Variants in FRMD3 observed in about 807,000 individuals in gnomAD.
The protein encoded by FRMD3 is FERM domain containing 3.
FRMD3 carries 33 observed loss-of-function variants against 70.2 expected under a neutral mutation model. The observed-to-expected ratio is 0.47, with a 90% confidence interval of 0.36 to 0.63. The LOEUF (loss-of-function observed/expected upper bound fraction) is 0.63, where lower values mean the gene tolerates loss of function less well. FRMD3 is among the 20% of genes least tolerant of loss of function. FRMD3 has a pLI of 0.00. For missense variants in FRMD3, 632 were observed against 711.4 expected (o/e 0.89, Z 1.27); for synonymous variants, 279 against 255.9 (o/e 1.09, Z -0.86).
At chr9:83,309,203 G>A (rs530901964) in intron 10 of FRMD3, among the ~76,000 whole-genome samples, 12 of 151,892 alleles carry the variant, frequency 7.9e-5, no homozygotes, top group African/African-American at 2.7e-4. Flanking sequence ...GGTGGGGGGA[G>A]GAGGGCAACC....
chr9:83,579,847 C>T, the FRMD3 span, among the ~76,000 whole-genome samples: 1 of 151,998 alleles, frequency 6.6e-6, no homozygotes, highest in Admixed American at 6.5e-5. Context: ...GGTGAAGAGA[C>T]ATCTTTGCAA....
intron 6 of FRMD3, among the ~76,000 whole-genome samples, chr9:83,327,701 C>T (rs1236457015): frequency 2.0e-5 from 3 of 152,198 alleles, no homozygotes; most frequent in Non-Finnish European, 2.9e-5. Context: ...CGTTTCCACT[C>T]TCCTAAGAAA....
rs1024509826 is a variant in FRMD3 at position 83,310,503 on chromosome 9, C to A, written c.819G>T (p.Val273=). ...KLKFEGKTFY[V]IGTQKEKKAM... ...ATCTGACCTCCTTCTGGGTGCCAAT[C>A]ACATAAAATGTCTTCCCTTCAAACT... Residue 273 remains valine (V), a synonymous_variant, in exon 9 of 14, where the codon GTG becomes GTT. Transcript: ENST00000304195. 5 of 1,607,340 alleles carry A rather than the reference C, an allele frequency of 3.1e-6. No homozygotes were observed. Among genetic ancestry groups the A allele is most frequent in the East Asian group, 2.2e-5 (1 of 44,516 alleles).
the FRMD3 span, among the ~76,000 whole-genome samples, chr9:83,570,900 T>C: frequency 6.6e-6 from 1 of 152,154 alleles, no homozygotes; most frequent in Non-Finnish European, 1.5e-5. Context: ...GTTCGGAGTA[T>C]ATTTTGAAAG....
intron 5 of FRMD3, among the ~76,000 whole-genome samples, chr9:83,336,342 T>A (rs1373227895): frequency 3.9e-5 from 6 of 151,954 alleles, no homozygotes; most frequent in African/African-American, 1.5e-4. Context: ...TTACATTTTT[T>A]AAAAATTTAA....
At chr9:83,344,147 C>T (rs999125277) in intron 4 of FRMD3, among the ~76,000 whole-genome samples, 3 of 152,252 alleles carry the variant, frequency 2.0e-5, no homozygotes, top group Non-Finnish European at 4.4e-5. Context: ...AAGCTCTCTT[C>T]CAATTTCCTC....
At chr9:83,284,878 C>T (rs1298430870) in intron 13 of FRMD3, among the ~76,000 whole-genome samples, 1 of 152,164 alleles carries the variant, frequency 6.6e-6, no homozygotes, top group African/African-American at 2.4e-5. Context: ...GGTATAACCA[C>T]AGCAGCCTTG....
In FRMD3 at chr9:83,333,715, G is replaced by A. The variant is rs184347811; in HGVS notation, c.596+1801C>T. Among the ~76,000 whole-genome samples, 80 of 152,244 alleles carry A rather than the reference G, an allele frequency of 5.3e-4. No homozygotes were observed. In the South Asian group the frequency reaches 0.012, roughly 22 times the overall value. On this transcript the variant is annotated intron_variant, in intron 6 of 13. Coordinates refer to ENST00000304195, the MANE Select transcript of FRMD3 (RefSeq NM_174938.6). The stretch of plus-strand genomic sequence containing the variant: ...AGGCACCGCTGACATGGTGATCACC[G>A]TGAAACACCTACCCGACTACCTGAT...
the FRMD3 span, among the ~76,000 whole-genome samples, chr9:83,578,434 A>C: frequency 1.3e-5 from 2 of 151,980 alleles, no homozygotes; most frequent in African/African-American, 4.8e-5. Flanking sequence ...TCCTCAACAA[A>C]ATACTAGGAA....
chr9:83,415,176 T>A (rs1826395205), intron 1 of FRMD3, among the ~76,000 whole-genome samples: 1 of 152,130 alleles, frequency 6.6e-6, no homozygotes, highest in Non-Finnish European at 1.5e-5. Flanking sequence ...GGCCTCACTC[T>A]CTCTTCCCTG....
chr9:83,500,500 G>GCACACA (rs377538475), intron 1 of FRMD3, among the ~76,000 whole-genome samples: 14,290 of 136,530 alleles, frequency 0.1, 877 homozygotes, highest in South Asian at 0.17. Flanking sequence ...GCGTGTATGC[G>GCACACA]CGCACACACA....
chr9:83,506,694 A>G (rs1474790688), intron 1 of FRMD3, among the ~76,000 whole-genome samples: 1 of 152,168 alleles, frequency 6.6e-6, no homozygotes, highest in Non-Finnish European at 1.5e-5. Context: ...CTTAGGCTAC[A>G]CTCAATTAAT....
chr9:83,282,871 G>A, intron 13 of FRMD3, among the ~76,000 whole-genome samples: 1 of 152,160 alleles, frequency 6.6e-6, no homozygotes, highest in East Asian at 1.9e-4. Flanking sequence ...GTCTTAAGAT[G>A]TAAAATACAA....
chr9:83,392,340 T>G (rs1034802256), intron 1 of FRMD3, among the ~76,000 whole-genome samples: 2 of 152,096 alleles, frequency 1.3e-5, no homozygotes, highest in Non-Finnish European at 2.9e-5. Context: ...GTAAGCCATT[T>G]AAGTTCCCAC....
intron 13 of FRMD3, among the ~76,000 whole-genome samples, chr9:83,284,651 T>A (rs1438961517): frequency 6.6e-6 from 1 of 152,136 alleles, no homozygotes. Flanking sequence ...TGCTAATGCA[T>A]ATGTCCTGAC....
In FRMD3 at chr9:83,246,647, TC is replaced by T. The variant is rs1563969126; in HGVS notation, c.*1270del. ...GTATCAAAAAGCCATTCATATTCTC[TC>T]TCTCTCTCTCTCTCTCTCTCTCACA... is the stretch of plus-strand genomic sequence containing the variant. On this transcript the variant is annotated 3_prime_UTR_variant, in exon 14 of 14. Coordinates refer to ENST00000304195, the MANE Select transcript of FRMD3 (RefSeq NM_174938.6). The T allele has an allele frequency of 9.7e-4, 905 of 937,364 alleles. 2 individuals carry two copies. In the African/African-American group the frequency reaches 0.012, roughly 12 times the overall value. 58.1% of individuals were successfully genotyped at this position (937,364 alleles called of 1,614,324 possible).
intron 1 of FRMD3, among the ~76,000 whole-genome samples, chr9:83,434,180 C>T (rs1322681729): frequency 6.6e-6 from 1 of 152,236 alleles, no homozygotes; most frequent in Non-Finnish European, 1.5e-5. Context: ...ATAAAGATTG[C>T]TCCTGGCTAG....
At chr9:83,539,506 G>C (rs1829972480), upstream of FRMD3, among the ~76,000 whole-genome samples, 1 of 152,206 alleles carries the variant, frequency 6.6e-6, no homozygotes, top group Non-Finnish European at 1.5e-5. Flanking sequence ...AGGAGGTGTT[G>C]ACCAGCTGTC....
At position 83,294,957 on chromosome 9, in the gene FRMD3, C is replaced by A. The variant is rs191131149; in HGVS notation, c.1070+3791G>T. On this transcript the variant is annotated intron_variant, in intron 12 of 13. Transcript: ENST00000304195. ...ACTCCTGAGGTAACTGTGTTTATGC[C>A]TGAGGTCCCTCCAGGCCAGGCTAGG... is the stretch of plus-strand genomic sequence containing the variant. 4.6e-5 allele frequency among the ~76,000 whole-genome samples: 7 copies of A among 152,284 alleles called. No homozygotes were observed. In the East Asian group the frequency reaches 1.4e-3, roughly 29 times the overall value.
Sources: gnomAD v4.1 joint callset for allele counts (sites outside exome capture counted in the v4.1 genomes callset) on GRCh38, gnomAD v4.1.1 for gene constraint, MANE v1.5 for transcripts, NCBI Gene and HGNC (gene_info 2026-07-23, HGNC 2026-07-21) for gene names.